Variants in HNRNPC observed in about 807,000 individuals in gnomAD.
HNRNPC encodes heterogeneous nuclear ribonucleoproteins C1/C2.
HNRNPC carries 3 observed loss-of-function variants against 33.2 expected under a neutral mutation model. The ratio of observed to expected loss-of-function variants is 0.09; its 90% confidence interval spans 0.04 to 0.23. The LOEUF (loss-of-function observed/expected upper bound fraction) is 0.23, where lower values mean the gene tolerates loss of function less well. HNRNPC is among the 10% of genes least tolerant of loss of function. The pLI, the probability that HNRNPC is intolerant of heterozygous loss-of-function variation, is 1.00. For synonymous variants in HNRNPC, 121 were observed against 126.7 expected, an observed-to-expected ratio of 0.96 and a Z score of 0.30; for missense variants, 143 against 366.7, an observed-to-expected ratio of 0.39 and a Z score of 4.98.
rs541508797 is a variant in HNRNPC, at chr14:21,245,307, C to T, written c.-36-11078G>A. 2.6e-5 allele frequency among the ~76,000 whole-genome samples: 4 copies of T among 151,976 alleles called. No homozygotes were observed. The South Asian group carries it at 8.3e-4, about 32-fold the overall frequency. On this transcript the variant is annotated intron_variant, in intron 2 of 8. Coordinates refer to ENST00000553300, the MANE Select transcript of HNRNPC (RefSeq NM_004500.4). ...GGTCAGGAGTTCAAGACCAGCCTGA[C>T]CAACATGGAGAAACCGCGTCTCTAC...
chr14:21,215,331 T>C (rs1017233627), intron 5 of HNRNPC, among the ~76,000 whole-genome samples: 1 of 152,128 alleles, frequency 6.6e-6, no homozygotes, highest in Non-Finnish European at 1.5e-5. Context: ...AAAAGGGATA[T>C]ATATTAAGAA....
At chr14:21,261,347 C>T (rs1293150912) in intron 2 of HNRNPC, among the ~76,000 whole-genome samples, 7 of 152,120 alleles carry the variant, frequency 4.6e-5, no homozygotes, top group Admixed American at 3.9e-4. Context: ...AGCTTCCGTA[C>T]ACTGACAGCA....
intron 2 of HNRNPC, among the ~76,000 whole-genome samples, chr14:21,242,586 G>A (rs1895488641): frequency 6.6e-6 from 1 of 152,132 alleles, no homozygotes; most frequent in Admixed American, 6.5e-5. Context: ...AAAAGCGCCA[G>A]GTAAAACTTG....
intron 5 of HNRNPC, among the ~76,000 whole-genome samples, chr14:21,218,396 A>G (rs1212070779): frequency 6.6e-6 from 1 of 152,154 alleles, no homozygotes. Context: ...TTAAAAAACT[A>G]AAATTGAGGC....
intron 5 of HNRNPC, 127 bp downstream of exon 5, chr14:21,230,191 GT>G: frequency 5.4e-6 from 3 of 558,150 alleles, no homozygotes; most frequent in Non-Finnish European, 6.4e-6. Context: ...AGAAAAAGGT[GT>G]TTTTTTGTTT....
intron 5 of HNRNPC, among the ~76,000 whole-genome samples, chr14:21,216,899 G>A (rs558214282): frequency 9.9e-5 from 15 of 152,100 alleles, no homozygotes; most frequent in Admixed American, 2.6e-4. Context: ...AATTGTGACC[G>A]AAAACAATAA....
chr14:21,234,427 T>G (rs1314470413), intron 2 of HNRNPC, among the ~76,000 whole-genome samples, 198 bp from the exon 3 acceptor site: 1 of 152,172 alleles, frequency 6.6e-6, no homozygotes, highest in Non-Finnish European at 1.5e-5. Flanking sequence ...AAAGTCAACT[T>G]CTTCCTCTTC....
intron 1 of HNRNPC, among the ~76,000 whole-genome samples, chr14:21,268,927 A>T (rs1438981046): frequency 1.3e-5 from 2 of 151,888 alleles, no homozygotes; most frequent in African/African-American, 2.4e-5. Flanking sequence ...TACATGTAAG[A>T]AGAACGGAGG....
intron 5 of HNRNPC, among the ~76,000 whole-genome samples, chr14:21,228,688 A>G (rs1305921571): frequency 6.6e-6 from 1 of 151,934 alleles, no homozygotes; most frequent in African/African-American, 2.4e-5. Flanking sequence ...CACCGTGCCC[A>G]GCTGATTTTT....
intron 2 of HNRNPC, among the ~76,000 whole-genome samples, chr14:21,248,621 C>A (rs551271731): frequency 2.4e-4 from 37 of 152,154 alleles, no homozygotes; most frequent in African/African-American, 8.4e-4. Flanking sequence ...AGGTGACTAA[C>A]AATACTAAAG....
intron 2 of HNRNPC, among the ~76,000 whole-genome samples, chr14:21,253,658 T>C (rs1896906184): frequency 6.6e-6 from 1 of 152,026 alleles, no homozygotes; most frequent in South Asian, 2.1e-4. Context: ...GGTCAAATCT[T>C]AAAGCAAAAG....
In HNRNPC at chr14:21,269,398, C is replaced by G. The variant is rs766845425; in HGVS notation, c.-163G>C. On this transcript the variant is annotated 5_prime_UTR_variant, in exon 1 of 9. Transcript: ENST00000553300. ...TGGAGGTCGGCAACGCGGCCACAAC[C>G]GCTCAGTCTTCGTCTCTTCACAAAA... 1.3e-5 allele frequency: 2 copies of G among 154,714 alleles called. No individual in the cohort carries two copies. The highest frequency in any genetic ancestry group is 4.8e-5 in the African/African-American group (2 of 41,510). The allele number at this position is 154,714 out of a possible 1,614,324, so 9.6% of individuals were successfully genotyped here. A position where few individuals can be genotyped will look rare whatever the true frequency, so the allele number is the denominator to read the frequency against.
intron 2 of HNRNPC, chr14:21,262,538 A>C (rs1210538132): frequency 6.6e-6 from 1 of 152,262 alleles, no homozygotes. Context: ...CATCAGCTAA[A>C]CTGTTAAACG....
intron 2 of HNRNPC, among the ~76,000 whole-genome samples, chr14:21,257,317 G>A (rs111656192): frequency 1.3e-5 from 2 of 151,948 alleles, no homozygotes; most frequent in African/African-American, 4.8e-5. Flanking sequence ...CTGAACCATG[G>A]GGCACTCCAA....
chr14:21,212,638 G>A (rs2139451300), intron 6 of HNRNPC, among the ~76,000 whole-genome samples: 1 of 151,966 alleles, frequency 6.6e-6, no homozygotes, highest in South Asian at 2.1e-4. Flanking sequence ...CGCCTCCTGG[G>A]TAAAAGCGAT....
intron 2 of HNRNPC, among the ~76,000 whole-genome samples, chr14:21,250,247 CA>C (rs1185119578): frequency 6.6e-6 from 1 of 150,584 alleles, no homozygotes; most frequent in Non-Finnish European, 1.5e-5. Context: ...AGCGAGACTC[CA>C]CTTCAAAAAA....
At chr14:21,226,312 G>T (rs1893423839) in intron 5 of HNRNPC, among the ~76,000 whole-genome samples, 1 of 139,798 alleles carries the variant, frequency 7.2e-6, no homozygotes, top group Non-Finnish European at 1.5e-5. Context: ...GACAGCACGA[G>T]ACTCGTTTCC....
intron 5 of HNRNPC, among the ~76,000 whole-genome samples, chr14:21,216,151 T>C (rs1413341107): frequency 1.4e-5 from 2 of 142,824 alleles, no homozygotes; most frequent in African/African-American, 2.6e-5. Context: ...AGACAAAGAA[T>C]GTCTACCCCA....
intron 2 of HNRNPC, among the ~76,000 whole-genome samples, chr14:21,247,940 G>A (rs933978222): frequency 1.3e-5 from 2 of 151,674 alleles, no homozygotes; most frequent in African/African-American, 2.4e-5. Flanking sequence ...GCAGTGAGCC[G>A]AGATCACGCC....
Sources: allele counts gnomAD v4.1 joint callset (sites outside exome capture counted in the v4.1 genomes callset), GRCh38; gene constraint gnomAD v4.1.1; transcripts MANE v1.5; gene names NCBI Gene and HGNC (gene_info 2026-07-23, HGNC 2026-07-21).